The following TENM2 variants were observed in gnomAD, a reference collection of about 807,000 sequenced individuals.
The protein encoded by TENM2 is teneurin transmembrane protein 2.
A neutral mutation model predicts 245.2 loss-of-function variants in TENM2; 52 were observed. The observed-to-expected ratio is 0.21, with a 90% CI of 0.17 to 0.27. TENM2 has a LOEUF of 0.27. Ranked by LOEUF, TENM2 falls within the 10% of genes least tolerant of loss-of-function variation. The pLI is 1.00. For synonymous variants in TENM2, 1,363 were observed against 1,438.9 expected (o/e 0.95, Z 1.19); for missense variants, 3,046 against 3,666.8 (o/e 0.83, Z 4.37).
chr5:167,294,718 A>T (rs1219211461), intron 1 of TENM2, among the ~76,000 whole-genome samples: 1 of 151,962 alleles, frequency 6.6e-6, no homozygotes, highest in Non-Finnish European at 1.5e-5. Context: ...AGAATTTTGA[A>T]TCAAGTGCCA....
intron 3 of TENM2, among the ~76,000 whole-genome samples, chr5:167,894,153 C>G (rs1319805019): frequency 3.9e-5 from 6 of 152,052 alleles, no homozygotes; most frequent in African/African-American, 1.4e-4. Context: ...CCAGTAAGCA[C>G]CATTCCTGGC....
At chr5:167,320,540 T>C (rs1756648120) in intron 1 of TENM2, among the ~76,000 whole-genome samples, 1 of 146,394 alleles carries the variant, frequency 6.8e-6, no homozygotes, top group Non-Finnish European at 1.5e-5. Flanking sequence ...GAAACTCATG[T>C]CGAAGTTTAA....
chr5:167,153,351 A>T, the TENM2 span, among the ~76,000 whole-genome samples: 1 of 152,194 alleles, frequency 6.6e-6, no homozygotes, highest in Non-Finnish European at 1.5e-5. Flanking sequence ...GAAAAAAGTT[A>T]TTAAGAATTA....
At chr5:167,411,426 A>G (rs1005710543) in intron 2 of TENM2, among the ~76,000 whole-genome samples, 1 of 152,082 alleles carries the variant, frequency 6.6e-6, no homozygotes, top group African/African-American at 2.4e-5. Context: ...TTTGTGGAGT[A>G]CGCTGAGTCT....
At chr5:167,788,184 G>C (rs1358953955) in intron 2 of TENM2, among the ~76,000 whole-genome samples, 4 of 152,070 alleles carry the variant, frequency 2.6e-5, no homozygotes, top group African/African-American at 7.2e-5. Context: ...GATTGTTATT[G>C]AATGACTTTG....
chr5:167,712,578 G>A (rs923465977), intron 2 of TENM2, among the ~76,000 whole-genome samples: 2 of 152,114 alleles, frequency 1.3e-5, no homozygotes, highest in African/African-American at 4.8e-5. Flanking sequence ...AGAACTATCT[G>A]AGACACCTGG....
the TENM2 span, among the ~76,000 whole-genome samples, chr5:167,055,238 A>T: frequency 6.6e-6 from 1 of 151,924 alleles, no homozygotes; most frequent in Non-Finnish European, 1.5e-5. Context: ...ATTTATTTTT[A>T]TTTTTTGCAT....
At position 167,856,075 on chromosome 5, in the gene TENM2, G is replaced by A. The variant is rs143176052; in HGVS notation, c.503-19911G>A. Among the ~76,000 whole-genome samples the A allele has an allele frequency of 1.8e-3, 277 of 152,208 alleles. 2 individuals are homozygous for A. Among genetic ancestry groups the A allele is most frequent in the African/African-American group, 5.3e-3 (221 of 41,528 alleles). ...TATCTTCCACACAGTCACTTATTTCGACTTCACTTAGGCTGGGTACAAACT... is the reference window on the plus strand; with the variant it reads ...TATCTTCCACACAGTCACTTATTTCAACTTCACTTAGGCTGGGTACAAACT... On this transcript the variant is annotated intron_variant, in intron 2 of 28. Coordinates refer to ENST00000518659, the Ensembl canonical transcript of TENM2.
At chr5:167,553,604 A>AT (rs1391226640) in intron 2 of TENM2, among the ~76,000 whole-genome samples, 4 of 152,182 alleles carry the variant, frequency 2.6e-5, no homozygotes. Flanking sequence ...TGGACGTCAT[A>AT]TGTGATGAAG....
intron 2 of TENM2, among the ~76,000 whole-genome samples, chr5:167,399,014 A>T (rs2127381982): frequency 2.0e-5 from 3 of 152,272 alleles, no homozygotes; most frequent in Middle Eastern, 3.4e-3. Context: ...AGATATGTAA[A>T]TCCCTGCTCT....
chr5:167,188,534 C>A, the TENM2 span, among the ~76,000 whole-genome samples: 1 of 151,644 alleles, frequency 6.6e-6, no homozygotes, highest in Admixed American at 6.7e-5. Context: ...GGGAAAGAGA[C>A]CATTTTTTTC....
intron 2 of TENM2, among the ~76,000 whole-genome samples, chr5:167,637,705 A>G (rs1779293658): frequency 6.6e-6 from 1 of 152,186 alleles, no homozygotes; most frequent in African/African-American, 2.4e-5. Flanking sequence ...CAGCAAATTA[A>G]CACAGGAACA....
intron 3 of TENM2, among the ~76,000 whole-genome samples, chr5:167,907,852 C>T (rs1384510416): frequency 6.6e-6 from 1 of 151,782 alleles, no homozygotes; most frequent in African/African-American, 2.4e-5. Context: ...CATTAATAAC[C>T]ATGCAGCCAA....
intron 2 of TENM2, among the ~76,000 whole-genome samples, chr5:167,443,202 T>A (rs1280965237): frequency 1.3e-5 from 2 of 152,094 alleles, no homozygotes; most frequent in Admixed American, 6.6e-5. Flanking sequence ...TTTGAAATAA[T>A]GAGTCATGAA....
the TENM2 span, among the ~76,000 whole-genome samples, chr5:167,070,287 T>TTTTTTTTTTTC: frequency 2.2e-5 from 3 of 136,806 alleles, no homozygotes; most frequent in African/African-American, 8.9e-5. Flanking sequence ...CCGGCTAATT[T>TTTTTTTTTTTC]TTTTTTTTTT....
intron 2 of TENM2, among the ~76,000 whole-genome samples, chr5:167,475,981 G>GA (rs1767345925): frequency 1.3e-5 from 2 of 151,922 alleles, no homozygotes; most frequent in South Asian, 4.2e-4. Flanking sequence ...CTTTATAGTA[G>GA]AAAAAAGCAT....
At chr5:167,883,408 G>A (rs1211827079) in intron 3 of TENM2, among the ~76,000 whole-genome samples, 2 of 152,118 alleles carry the variant, frequency 1.3e-5, no homozygotes, top group African/African-American at 2.4e-5. Flanking sequence ...ACACACACAC[G>A]TAAATGTGTA....
intron 2 of TENM2, among the ~76,000 whole-genome samples, chr5:167,847,887 C>T (rs1266486246): frequency 6.6e-6 from 1 of 152,172 alleles, no homozygotes; most frequent in Non-Finnish European, 1.5e-5. Flanking sequence ...GTCATATTTT[C>T]CCATCTACTA....
chr5:167,439,256 A>G (rs1764750659), intron 2 of TENM2, among the ~76,000 whole-genome samples: 1 of 152,190 alleles, frequency 6.6e-6, no homozygotes, highest in Non-Finnish European at 1.5e-5. Context: ...AGAAGCTTTA[A>G]AGTCATTGGA....
Sources: gnomAD v4.1 joint callset for allele counts (sites outside exome capture counted in the v4.1 genomes callset) on GRCh38, gnomAD v4.1.1 for gene constraint, MANE v1.5 for transcripts, NCBI Gene and HGNC (gene_info 2026-07-23, HGNC 2026-07-21) for gene names.